Variants in FBXL13 observed in about 807,000 individuals in gnomAD.
FBXL13 encodes F-box and leucine rich repeat protein 13, also known as F-box and leucine-rich repeat protein 13.
Under a neutral mutation model 83.6 loss-of-function variants are expected in FBXL13, and 67 were observed. The observed-to-expected ratio is 0.80, with a 90% CI of 0.66 to 0.98. The LOEUF is 0.98. Among genes scored for constraint, FBXL13 ranks in the 50% least tolerant of loss-of-function variants. FBXL13 has a pLI of 0.00. For synonymous variants in FBXL13, 272 were observed against 299.5 expected, an observed-to-expected ratio of 0.91 and a Z score of 0.95; for missense variants, 822 against 866.5, an observed-to-expected ratio of 0.95 and a Z score of 0.64.
intron 2 of FBXL13, among the ~76,000 whole-genome samples, chr7:103,042,685 T>C (rs1048349303): frequency 3.9e-5 from 6 of 152,212 alleles, no homozygotes; most frequent in African/African-American, 1.4e-4. Context: ...AACCATCTGA[T>C]CTTTGACAAA....
intron 17 of FBXL13, among the ~76,000 whole-genome samples, chr7:102,849,752 A>T (rs1219974500): frequency 6.6e-6 from 1 of 152,174 alleles, no homozygotes; most frequent in Non-Finnish European, 1.5e-5. Context: ...AAGGGGAAAG[A>T]TTACCACATG....
intron 6 of FBXL13, among the ~76,000 whole-genome samples, chr7:102,985,607 G>A (rs1424047741): frequency 6.6e-6 from 1 of 152,156 alleles, no homozygotes; most frequent in Non-Finnish European, 1.5e-5. Flanking sequence ...GGAAGACATA[G>A]CTGACTCACT....
intron 6 of FBXL13, chr7:102,976,136 C>T (rs758124213): frequency 5.2e-6 from 4 of 766,366 alleles, no homozygotes; most frequent in Admixed American, 1.7e-5. Context: ...CGGATCTCGT[C>T]AGCCTTGCCG....
At chr7:102,899,355 C>T (rs984028251) in intron 11 of FBXL13, among the ~76,000 whole-genome samples, 6 of 152,188 alleles carry the variant, frequency 3.9e-5, no homozygotes, top group African/African-American at 7.2e-5. Flanking sequence ...TGTCTTCAAT[C>T]GCAAGTCCAG....
At chr7:103,028,721 A>T (rs1277560950) in exon 4 of FBXL13, 1 of 1,601,054 alleles carries the variant, frequency 6.2e-7, no homozygotes. Flanking sequence ...CGACATTTTC[A>T]TTTGTACGAG....
exon 7 of FBXL13, chr7:102,968,117 T>C (rs1273783072): frequency 4.4e-6 from 7 of 1,601,180 alleles, no homozygotes; most frequent in Non-Finnish European, 6.0e-6. Flanking sequence ...TAGAAGAAAA[T>C]CTAAACACAA....
intron 10 of FBXL13, among the ~76,000 whole-genome samples, chr7:102,925,016 C>T (rs920989711): frequency 6.6e-6 from 1 of 152,166 alleles, no homozygotes; most frequent in African/African-American, 2.4e-5. Flanking sequence ...CATTCTTTCA[C>T]AATAGTTTGA....
intron 6 of FBXL13, among the ~76,000 whole-genome samples, chr7:102,987,604 C>T (rs1223150263): frequency 6.6e-6 from 1 of 152,162 alleles, no homozygotes; most frequent in Admixed American, 6.5e-5. Flanking sequence ...AAACATAAGC[C>T]TCACTATATG....
chr7:102,884,043 AT>A (rs1365874705), intron 12 of FBXL13, among the ~76,000 whole-genome samples, 170 bp downstream of exon 13: 1 of 152,212 alleles, frequency 6.6e-6, no homozygotes, highest in Non-Finnish European at 1.5e-5. Context: ...ATATTTAAGG[AT>A]TCACATGTTT....
rs774596467 is a variant in FBXL13, at chr7:103,055,653, T to G, written c.-10A>C. ...TCAAAACAATACTTACCAAAGAAGA[T>G]TCTGAAGACCACTTTTGATTATAAC... On this transcript the variant is annotated 5_prime_UTR_variant, in exon 2 of 20. Transcript: ENST00000313221. 23 of 1,259,848 alleles carry G rather than the reference T, an allele frequency of 1.8e-5. No homozygotes were observed. In the South Asian group the frequency reaches 3.0e-4, roughly 17 times the overall value. The allele number at this position is 1,259,848 out of a possible 1,614,324, so 78.0% of individuals were successfully genotyped here. A position where few individuals can be genotyped will look rare whatever the true frequency, so the allele number is the denominator to read the frequency against.
At chr7:102,973,303 C>T (rs1281919898) in intron 6 of FBXL13, 1 of 524,754 alleles carries the variant, frequency 1.9e-6, no homozygotes, top group Non-Finnish European at 3.5e-6. Flanking sequence ...CTTGTACCAG[C>T]AGCGTGAGTC....
intron 18 of FBXL13, chr7:102,822,468 C>T: frequency 1.7e-6 from 1 of 588,372 alleles, no homozygotes; most frequent in Non-Finnish European, 3.2e-6. Context: ...AGAGAGAGAG[C>T]TCTAGTCTTT....
At chr7:102,836,253 A>G (rs1801957330) in intron 17 of FBXL13, among the ~76,000 whole-genome samples, 1 of 152,256 alleles carries the variant, frequency 6.6e-6, no homozygotes, top group Admixed American at 6.5e-5. Context: ...ATTCTCATCC[A>G]TGGAAAATCT....
At chr7:102,953,501 G>A (rs148311774) in intron 8 of FBXL13, among the ~76,000 whole-genome samples, 104 of 152,264 alleles carry the variant, frequency 6.8e-4, no homozygotes, top group Admixed American at 1.1e-3. Flanking sequence ...AGGAATATAT[G>A]GGAGCTTCCT....
At chr7:102,851,905 G>A (rs751051314) in intron 17 of FBXL13, among the ~76,000 whole-genome samples, 8 of 152,052 alleles carry the variant, frequency 5.3e-5, no homozygotes, top group East Asian at 1.9e-4. Context: ...AATTGAGCAC[G>A]TAATCATTTA....
intron 11 of FBXL13, among the ~76,000 whole-genome samples, chr7:102,894,452 G>A (rs549753233): frequency 1.9e-4 from 29 of 152,210 alleles, no homozygotes; most frequent in African/African-American, 6.7e-4. Flanking sequence ...GAGTGCACAT[G>A]GTGACTCATG....
chr7:102,864,035 CAG>C (rs760877509), intron 16 of FBXL13, among the ~76,000 whole-genome samples: 33 of 152,306 alleles, frequency 2.2e-4, no homozygotes, highest in Non-Finnish European at 3.5e-4. Flanking sequence ...ACACTGCCAC[CAG>C]AGTTATGTTT....
chr7:102,867,668 C>CATATATATATATATATAT (rs200661242), intron 16 of FBXL13, among the ~76,000 whole-genome samples: 2 of 72,642 alleles, frequency 2.8e-5, no homozygotes, highest in African/African-American at 1.8e-4. Flanking sequence ...TAGACTTAGA[C>CATATATATATATATATAT]ATATATATAT....
chr7:102,960,253 G>A (rs1022723914), intron 8 of FBXL13, among the ~76,000 whole-genome samples: 5 of 151,862 alleles, frequency 3.3e-5, no homozygotes, highest in Non-Finnish European at 4.4e-5. Flanking sequence ...ATAAATTCCC[G>A]GACACATACA....
Sources: allele counts gnomAD v4.1 joint callset (sites outside exome capture counted in the v4.1 genomes callset), GRCh38; gene constraint gnomAD v4.1.1; transcripts MANE v1.5; gene names NCBI Gene and HGNC (gene_info 2026-07-23, HGNC 2026-07-21).